Variants in ARK2C observed in about 807,000 individuals in gnomAD.
The protein encoded by ARK2C is arkadia (RNF111) C-terminal like ring finger ubiquitin ligase 2C, also known as E3 ubiquitin-protein ligase ARK2C.
At chr18:46,415,664 G>C in the ARK2C span, among the ~76,000 whole-genome samples, 4 of 152,286 alleles carry the variant, frequency 2.6e-5, no homozygotes, top group East Asian at 3.9e-4. Flanking sequence ...AATCAAACAG[G>C]CTCCAGATTC....
the ARK2C span, among the ~76,000 whole-genome samples, chr18:46,343,615 C>T: frequency 6.6e-6 from 1 of 152,254 alleles, no homozygotes; most frequent in South Asian, 2.1e-4. Flanking sequence ...AGCCTGAGTA[C>T]TCCGCGACTT....
chr18:46,350,289 C>T, the ARK2C span, among the ~76,000 whole-genome samples: 8,018 of 152,248 alleles, frequency 0.053, 656 homozygotes, highest in African/African-American at 0.18. Flanking sequence ...GCAGGCCAGC[C>T]GCAGAGCCTG....
the ARK2C span, among the ~76,000 whole-genome samples, chr18:46,426,547 C>T: frequency 2.0e-5 from 3 of 152,318 alleles, no homozygotes; most frequent in African/African-American, 7.2e-5. Flanking sequence ...CTATCCTCAG[C>T]CCTGGACCCA....
the ARK2C span, chr18:46,386,487 T>C: frequency 6.6e-6 from 1 of 152,172 alleles, no homozygotes; most frequent in Admixed American, 6.5e-5. Context: ...TGGTAAGGAC[T>C]GGGGCCAGAA....
the ARK2C span, chr18:46,435,361 A>T: frequency 1.3e-4 from 209 of 1,614,008 alleles, no homozygotes; most frequent in East Asian, 4.5e-3. Context: ...AACTGCAGAC[A>T]CCTCAGCCCA....
chr18:46,336,642 T>C, the ARK2C span: 5 of 985,442 alleles, frequency 5.1e-6, no homozygotes, highest in African/African-American at 8.7e-5. Context: ...ATTGTAGTAG[T>C]GTAGGATGTA....
the ARK2C span, among the ~76,000 whole-genome samples, chr18:46,441,361 A>G: frequency 2.7e-3 from 413 of 152,322 alleles, 4 homozygotes; most frequent in Non-Finnish European, 4.5e-3. Context: ...CTGGGATTAC[A>G]GGTGTGTGCC....
the ARK2C span, among the ~76,000 whole-genome samples, chr18:46,435,021 A>G: frequency 6.6e-6 from 1 of 152,144 alleles, no homozygotes. Context: ...CAGGTAATCT[A>G]CCACAGACAC....
the ARK2C span, among the ~76,000 whole-genome samples, chr18:46,396,989 T>C: frequency 6.6e-6 from 1 of 152,248 alleles, no homozygotes; most frequent in African/African-American, 2.4e-5. Flanking sequence ...GGGTGGCCTA[T>C]GGCTCCCTTC....
chr18:46,388,566 G>A, the ARK2C span, among the ~76,000 whole-genome samples: 1 of 152,098 alleles, frequency 6.6e-6, no homozygotes, highest in East Asian at 1.9e-4. Flanking sequence ...GGAAGCACAC[G>A]GGGTTGGCAC....
the ARK2C span, among the ~76,000 whole-genome samples, chr18:46,368,239 G>C: frequency 6.6e-6 from 1 of 152,226 alleles, no homozygotes; most frequent in East Asian, 1.9e-4. Context: ...TGGAAGTGTA[G>C]GTTAGGCCTA....
chr18:46,376,664 C>CTTTTTTTTT, the ARK2C span, among the ~76,000 whole-genome samples: 46 of 72,264 alleles, frequency 6.4e-4, 1 homozygote, highest in Non-Finnish European at 8.0e-4. Context: ...GGTTAATAAT[C>CTTTTTTTTT]TTTTTTTTTT....
chr18:46,397,095 G>A, the ARK2C span, among the ~76,000 whole-genome samples: 2 of 152,202 alleles, frequency 1.3e-5, no homozygotes, highest in South Asian at 2.1e-4. Context: ...CCCTGGGCCC[G>A]GCCTGGAACC....
At chr18:46,439,635 T>C in the ARK2C span, among the ~76,000 whole-genome samples, 6 of 152,322 alleles carry the variant, frequency 3.9e-5, no homozygotes, top group Non-Finnish European at 7.4e-5. Flanking sequence ...ATTTCTGAAG[T>C]TGGTGCCCAT....
chr18:46,441,153 C>A, the ARK2C span, among the ~76,000 whole-genome samples: 2 of 152,016 alleles, frequency 1.3e-5, no homozygotes, highest in Non-Finnish European at 2.9e-5. Flanking sequence ...GCCCAGCTAA[C>A]TTTTTGTTTT....
chr18:46,353,974 C>T, the ARK2C span, among the ~76,000 whole-genome samples: 2 of 152,148 alleles, frequency 1.3e-5, no homozygotes, highest in Admixed American at 1.3e-4. Context: ...CTCACCCCCT[C>T]ATTTTACGGG....
the ARK2C span, among the ~76,000 whole-genome samples, chr18:46,446,146 G>T: frequency 6.6e-6 from 1 of 152,074 alleles, no homozygotes; most frequent in Admixed American, 6.6e-5. Context: ...ACTACTGTCT[G>T]GTTGTTGCTT....
the ARK2C span, among the ~76,000 whole-genome samples, chr18:46,441,861 CAAAA>C: frequency 1.6e-5 from 2 of 122,064 alleles, 1 homozygote; most frequent in South Asian, 5.4e-4. Flanking sequence ...GACTCCATCT[CAAAA>C]AAAAAAAAAA....
the ARK2C span, among the ~76,000 whole-genome samples, chr18:46,394,477 T>C: frequency 4.6e-5 from 7 of 152,256 alleles, no homozygotes; most frequent in African/African-American, 1.7e-4. Context: ...GATGTGCAGT[T>C]CTGTGGGTCA....
Sources: allele counts gnomAD v4.1 joint callset (sites outside exome capture counted in the v4.1 genomes callset), GRCh38; gene constraint gnomAD v4.1.1; transcripts MANE v1.5; gene names NCBI Gene and HGNC (gene_info 2026-07-23, HGNC 2026-07-21).